Variants in MAPK14 observed in about 807,000 individuals in gnomAD.
MAPK14 encodes the protein CSAID-binding protein.
In MAPK14, 16 loss-of-function variants were observed where a neutral mutation model predicts 49.6. That is an observed-to-expected ratio of 0.32 (90% CI 0.22 to 0.49). The LOEUF is 0.49. MAPK14 is among the 20% of genes least tolerant of loss of function. The pLI is 0.99. For missense variants in MAPK14, 200 were observed against 441.2 expected, an observed-to-expected ratio of 0.45 and a Z score of 4.90; for synonymous variants, 142 against 158.0, an observed-to-expected ratio of 0.90 and a Z score of 0.76.
chr6:36,079,364 G>A (rs1764655169), intron 8 of MAPK14, among the ~76,000 whole-genome samples: 1 of 152,122 alleles, frequency 6.6e-6, no homozygotes, highest in African/African-American at 2.4e-5. Context: ...ACATGCACCT[G>A]TCACTTATTT....
the MAPK14 span, among the ~76,000 whole-genome samples, chr6:36,119,866 TA>T: frequency 1.3e-5 from 2 of 152,080 alleles, no homozygotes; most frequent in Non-Finnish European, 2.9e-5. Flanking sequence ...CCAACAACCT[TA>T]AGTGAAAAAG....
At chr6:36,118,915 C>G in the MAPK14 span, among the ~76,000 whole-genome samples, 12 of 135,140 alleles carry the variant, frequency 8.9e-5, no homozygotes, top group Non-Finnish European at 1.6e-4. Flanking sequence ...GAGTCAGGTG[C>G]CCCCCTCCAA....
intron 1 of MAPK14, among the ~76,000 whole-genome samples, chr6:36,046,561 C>T (rs9462155): frequency 9.9e-5 from 15 of 152,094 alleles, no homozygotes; most frequent in African/African-American, 3.6e-4. Context: ...ATTTAATTAA[C>T]ATCCTCAAGA....
In MAPK14 at chr6:36,090,132, T is replaced by G. The variant is rs1052667213; in HGVS notation, c.683-5855T>G. Among the ~76,000 whole-genome samples, 3 of 148,046 alleles carry G rather than the reference T, an allele frequency of 2.0e-5. No homozygotes were observed. The East Asian group carries it at 5.9e-4, about 29-fold the overall frequency. On this transcript the variant is annotated intron_variant, in intron 8 of 11. Transcript: ENST00000229794. ...TTCCTAGTGTATTAAATTTGCTTCT[T>G]ATATATTTTTTTTTATTTCTTCTTT...
chr6:36,071,672 T>C (rs1764278987), intron 3 of MAPK14, among the ~76,000 whole-genome samples: 1 of 152,146 alleles, frequency 6.6e-6, no homozygotes, highest in Non-Finnish European at 1.5e-5. Flanking sequence ...AAAAAAATAC[T>C]CCTATTTTAG....
chr6:36,077,309 A>C (rs1764572063), intron 8 of MAPK14, among the ~76,000 whole-genome samples: 1 of 152,180 alleles, frequency 6.6e-6, no homozygotes, highest in South Asian at 2.1e-4. Flanking sequence ...AACTCTCATC[A>C]GTTCTACTTA....
At chr6:36,090,877 A>G (rs1394238004) in intron 8 of MAPK14, among the ~76,000 whole-genome samples, 1 of 152,236 alleles carries the variant, frequency 6.6e-6, no homozygotes, top group Admixed American at 6.5e-5. Context: ...TTTCTCAGGA[A>G]AAGGTAGAAT....
At position 36,075,856 on chromosome 6, in the gene MAPK14, T is replaced by C. The variant is rs770957834; in HGVS notation, c.504T>C (p.Asp168=). 1 of 1,613,994 alleles carries C rather than the reference T, an allele frequency of 6.2e-7. No individual in the cohort carries two copies. Among genetic ancestry groups the C allele is most frequent in the South Asian group, 1.1e-5 (1 of 91,082 alleles). ...CCTCTTCTGCCCTTTAGATTCTGGA[T>C]TTTGGACTGGCTCGGCACACAGATG... ...VNEDCELKIL[D]FGLARHTDDE... Residue 168 remains aspartate (D), a synonymous_variant, in exon 7 of 12, where the codon GAT becomes GAC. Coordinates refer to ENST00000229794, the MANE Select transcript of MAPK14 (RefSeq NM_139012.3).
chr6:36,033,997 A>T (rs1256908930), intron 1 of MAPK14, among the ~76,000 whole-genome samples: 1 of 152,216 alleles, frequency 6.6e-6, no homozygotes, highest in African/African-American at 2.4e-5. Flanking sequence ...AAGGAATGGC[A>T]TACTTGTCAA....
chr6:36,036,544 A>ACC (rs140718), intron 1 of MAPK14, among the ~76,000 whole-genome samples: 1 of 151,744 alleles, frequency 6.6e-6, no homozygotes, highest in Non-Finnish European at 1.5e-5. Context: ...CAATGCAGCA[A>ACC]TTCACCGTTG....
At chr6:36,086,662 A>G (rs1057088686) in intron 8 of MAPK14, among the ~76,000 whole-genome samples, 5 of 152,186 alleles carry the variant, frequency 3.3e-5, no homozygotes, top group African/African-American at 1.2e-4. Flanking sequence ...ATAGCCTACC[A>G]AGCAAGAAAA....
chr6:36,114,729 A>C (rs115522222), downstream of MAPK14, among the ~76,000 whole-genome samples: 1,139 of 152,262 alleles, frequency 7.5e-3, 13 homozygotes, highest in African/African-American at 0.026. Flanking sequence ...TACTGAATAA[A>C]GGTCATTTCA....
At chr6:36,068,266 G>GT (rs1184743837) in intron 3 of MAPK14, among the ~76,000 whole-genome samples, 1 of 152,146 alleles carries the variant, frequency 6.6e-6, no homozygotes, top group Non-Finnish European at 1.5e-5. Flanking sequence ...GTGGAGCTGA[G>GT]TAAGAGCAAG....
chr6:36,052,847 G>C lies in MAPK14; in HGVS notation c.246+19G>C. ...TGAAAATGTAAGTTATTCATTCAAG[G>C]AAGAATACATTTTGATCTTGAATAG... On this transcript the variant is annotated intron_variant, in intron 2 of 11. Coordinates refer to ENST00000229794, the MANE Select transcript of MAPK14 (RefSeq NM_139012.3). The C allele has an allele frequency of 6.3e-7, 1 of 1,594,936 alleles. No individual in the cohort carries two copies. The highest frequency in any genetic ancestry group is 8.6e-7 in the Non-Finnish European group (1 of 1,169,020).
chr6:36,059,609 G>A (rs1763726435), intron 3 of MAPK14, among the ~76,000 whole-genome samples: 1 of 152,172 alleles, frequency 6.6e-6, no homozygotes, highest in Admixed American at 6.5e-5. Context: ...AGAAAGGAGT[G>A]GAGAGAGTTT....
At chr6:36,089,660 T>C (rs931296653) in intron 8 of MAPK14, among the ~76,000 whole-genome samples, 5 of 152,214 alleles carry the variant, frequency 3.3e-5, no homozygotes, top group South Asian at 4.1e-4. Context: ...GGCCTAATGA[T>C]AGCATTATTA....
chr6:36,093,461 T>A (rs1765320825), intron 8 of MAPK14, among the ~76,000 whole-genome samples: 1 of 152,172 alleles, frequency 6.6e-6, no homozygotes, highest in Admixed American at 6.5e-5. Flanking sequence ...GGCTCACGCC[T>A]GTAATCCCAG....
chr6:36,080,789 T>C (rs992234310), intron 8 of MAPK14, among the ~76,000 whole-genome samples: 7 of 152,126 alleles, frequency 4.6e-5, no homozygotes, highest in African/African-American at 1.7e-4. Context: ...CCATAGTGTC[T>C]GCACCATTTT....
chr6:36,102,620 C>T lies in MAPK14; in HGVS notation c.812C>T (p.Ala271Val), dbSNP rs779505423. 6 of 1,613,794 alleles carry T rather than the reference C, an allele frequency of 3.7e-6. No individual in the cohort carries two copies. Among genetic ancestry groups the T allele is most frequent in the Non-Finnish European group, 3.4e-6 (4 of 1,179,760 alleles). Reference protein sequence around the residue: ...SLTQMPKMNFANVFIGANPLA... With the variant: ...SLTQMPKMNFVNVFIGANPLA... The stretch of plus-strand genomic sequence containing the variant: ...ACTCAGATGCCGAAGATGAACTTTG[C>T]GAATGTATTTATTGGTGCCAATCCC... Residue 271 changes from alanine to valine, a missense_variant, in exon 10 of 12, where the codon GCG becomes GTG. This residue lies in a region of MAPK14 where 170 missense variants were observed against 407.0 expected (regional missense o/e 0.42). Transcript: ENST00000229794.
Sources: allele counts gnomAD v4.1 joint callset (sites outside exome capture counted in the v4.1 genomes callset), GRCh38; gene constraint gnomAD v4.1.1; regional missense constraint gnomAD v4.1.1; transcripts MANE v1.5; gene names NCBI Gene and HGNC (gene_info 2026-07-23, HGNC 2026-07-21).